The following IRF4 variants were observed in gnomAD, a reference collection of about 807,000 sequenced individuals.
IRF4 encodes the protein interferon regulatory factor 4.
Under a neutral mutation model 55.5 loss-of-function variants are expected in IRF4, and 13 were observed. The ratio of observed to expected loss-of-function variants is 0.23; its 90% CI spans 0.15 to 0.37. The LOEUF is 0.37. Ranked by LOEUF, IRF4 falls within the 10% of genes least tolerant of loss-of-function variation. The pLI is 1.00. For missense variants in IRF4, 397 were observed against 593.8 expected (o/e 0.67, Z 3.44); for synonymous variants, 249 against 240.7 (o/e 1.03, Z -0.32).
intron 2 of IRF4, 109 bp from the exon 3 acceptor site, chr6:394,712 G>A: frequency 9.9e-7 from 1 of 1,006,732 alleles, no homozygotes; most frequent in South Asian, 1.6e-5. Context: ...CTATCATCGT[G>A]CCACTGTACT....
At position 394,986 on chromosome 6, in the gene IRF4, G is replaced by T; in HGVS notation, c.382G>T (p.Val128Phe). 1 of 1,600,164 alleles carries T rather than the reference G, an allele frequency of 6.2e-7. No homozygotes were observed. Among genetic ancestry groups the T allele is most frequent in the East Asian group, 2.3e-5 (1 of 44,232 alleles). The change falls in exon 3 of 9, where the codon GTT becomes TTT. Residue 128 changes from valine to phenylalanine, a missense_variant. Around this residue, in one of 3 missense-constraint regions of IRF4, gnomAD observed 341 missense variants for 548.1 expected, o/e 0.62. Transcript: ENST00000380956. ...ISDPYKVYRI[V>F]PEGAKKGAKQ... ...AGACCCGTACAAAGTGTACAGGATT[G>T]TTCCTGAGGGAGCCAAAAAAGGTAG...
Position 393,116 on chromosome 6 carries a change from G to A in IRF4, c.-37G>A. The A allele has an allele frequency of 6.5e-7, 1 of 1,536,202 alleles. No individual in the cohort carries two copies. The highest frequency in any genetic ancestry group is 8.8e-7 in the Non-Finnish European group (1 of 1,137,476). On this transcript the variant is annotated 5_prime_UTR_variant, in exon 2 of 9. Transcript: ENST00000380956. The surrounding 1 kb of genome is among the most constrained non-coding windows in gnomAD (Gnocchi z 5.4). ...CCCGCAGTGCAGAGCAGAGCGGGCG[G>A]AGGACCCCGGGCGCGGGCGCGGACG... is the stretch of plus-strand genomic sequence containing the variant.
intron 4 of IRF4, 148 bp downstream of exon 4, chr6:396,083 G>T (rs972221700): frequency 1.6e-6 from 1 of 627,124 alleles, no homozygotes; most frequent in South Asian, 2.0e-5. Flanking sequence ...GTCACTGAAC[G>T]AATGTCTCAC....
At chr6:401,018 A>G (rs542149088) in intron 6 of IRF4, among the ~76,000 whole-genome samples, 98 of 152,306 alleles carry the variant, frequency 6.4e-4, no homozygotes, top group South Asian at 1.2e-3. Flanking sequence ...CATCACCACT[A>G]TCATCATCAT....
intron 7 of IRF4, 115 bp downstream of exon 7, chr6:401,892 G>A (rs952766847): frequency 1.9e-5 from 16 of 853,556 alleles, no homozygotes; most frequent in South Asian, 1.8e-4. Flanking sequence ...TGTTGACTTC[G>A]GCGCCCACTG....
chr6:409,810 G>A lies in IRF4; in HGVS notation c.*2212G>A, dbSNP rs920938492. 7 of 204,006 alleles carry A rather than the reference G, an allele frequency of 3.4e-5. No individual in the cohort carries two copies. Among genetic ancestry groups the A allele is most frequent in the African/African-American group, 8.1e-5 (3 of 37,146 alleles). The allele number at this position is 204,006 out of a possible 1,614,324, so 12.6% of individuals were successfully genotyped here. ...TTCAAAGAAGCTGTCTTGGAAGTCT[G>A]TCTCAGGAGCACCCTGTCTTCTTAA... On this transcript the variant is annotated 3_prime_UTR_variant, in exon 9 of 9. Transcript: ENST00000380956.
intron 4 of IRF4, among the ~76,000 whole-genome samples, chr6:396,441 T>A (rs1761260653): frequency 3.3e-5 from 5 of 152,234 alleles, no homozygotes; most frequent in Admixed American, 3.3e-4. Context: ...CTTAGTCTGA[T>A]GAAGGGTTCA....
intron 6 of IRF4, 127 bp from the exon 7 acceptor site, chr6:401,297 C>T: frequency 1.4e-6 from 1 of 702,404 alleles, no homozygotes; most frequent in Non-Finnish European, 2.3e-6. Flanking sequence ...ACGCGGGAAC[C>T]TTTTGTTCCC....
rs139858073 is a variant in IRF4 at position 401,502 on chromosome 6, G to A, written c.824G>A (p.Arg275Gln). ...ACCACGTCCAGCCCCGAGGGCTGCC[G>A]GATCTCCCATGGACATACGTATGAC... is the stretch of plus-strand genomic sequence containing the variant. ...ELTTSSPEGC[R>Q]ISHGHTYDAS... The change falls in exon 7 of 9, where the codon CGG (arginine) becomes CAG (glutamine). Residue 275 changes from arginine (R) to glutamine (Q), a missense_variant. Around this residue, in one of 3 missense-constraint regions of IRF4, gnomAD observed 341 missense variants for 548.1 expected, o/e 0.62. Transcript: ENST00000380956. 1.6e-5 allele frequency: 26 copies of A among 1,613,850 alleles called. No individual in the cohort carries two copies. Among genetic ancestry groups the A allele is most frequent in the African/African-American group, 6.7e-5 (5 of 74,912 alleles).
intron 4 of IRF4, among the ~76,000 whole-genome samples, chr6:396,386 A>G (rs1056591681): frequency 6.6e-6 from 1 of 152,256 alleles, no homozygotes; most frequent in African/African-American, 2.4e-5. Flanking sequence ...ATAAAACAGT[A>G]CAAGTATCTC....
At chr6:402,254 A>G (rs976176598) in intron 7 of IRF4, among the ~76,000 whole-genome samples, 6 of 152,226 alleles carry the variant, frequency 3.9e-5, no homozygotes, top group Non-Finnish European at 8.8e-5. Context: ...GGAGAGTGCT[A>G]TAAGTTGGCT....
chr6:397,751 G>T (rs554687569), intron 5 of IRF4, among the ~76,000 whole-genome samples: 1 of 152,348 alleles, frequency 6.6e-6, no homozygotes, highest in East Asian at 1.9e-4. Context: ...CTTGCTGATT[G>T]TGGATTAGAT....
In IRF4 at chr6:409,989, A is replaced by G. The variant is rs1761653314; in HGVS notation, c.*2391A>G. ...CTTTCCTATCTTTACATCTATGTGT[A>G]TGTTGACTTTTTAAAATTCTGAGTG... On this transcript the variant is annotated 3_prime_UTR_variant, in exon 9 of 9. Coordinates refer to ENST00000380956, the MANE Select transcript of IRF4 (RefSeq NM_002460.4). The G allele has an allele frequency of 8.7e-6, 2 of 228,632 alleles. No individual in the cohort carries two copies. The highest frequency in any genetic ancestry group is 1.7e-5 in the Non-Finnish European group (2 of 115,182). The allele number at this position is 228,632 out of a possible 1,614,324, so 14.2% of individuals were successfully genotyped here. A position where few individuals can be genotyped will look rare whatever the true frequency, so the allele number is the denominator to read the frequency against.
At chr6:402,780 C>G (rs11966611) in intron 7 of IRF4, among the ~76,000 whole-genome samples, 1,661 of 152,286 alleles carry the variant, frequency 0.011, 32 homozygotes, top group African/African-American at 0.038. Context: ...GCCTGTAATC[C>G]CAGCACTTTA....
At chr6:401,148 A>G (rs1035693587) in intron 6 of IRF4, among the ~76,000 whole-genome samples, 2 of 152,226 alleles carry the variant, frequency 1.3e-5, no homozygotes, top group Non-Finnish European at 2.9e-5. Flanking sequence ...GTCGGTGGCC[A>G]CATACGTTTG....
chr6:400,916 A>G (rs1468661346), intron 6 of IRF4, among the ~76,000 whole-genome samples: 1 of 152,138 alleles, frequency 6.6e-6, no homozygotes, highest in African/African-American at 2.4e-5. Context: ...ATTTTTTGCT[A>G]GTATAAATTA....
At chr6:394,707 ATC>A (rs1730600738) in intron 2 of IRF4, 112 bp from the exon 3 acceptor site, 3 of 968,038 alleles carry the variant, frequency 3.1e-6, no homozygotes, top group Non-Finnish European at 4.7e-6. Context: ...GTGAGCTATC[ATC>A]GTGCCACTGT....
In IRF4 at chr6:410,745, T is replaced by G. The variant is rs1472282676; in HGVS notation, c.*3147T>G. ...TTCCGTTCATTGCTCTCCAGTCACATGCCCCCACTTCCCCACAGGTGAAAG... is the reference window on the plus strand; with the variant it reads ...TTCCGTTCATTGCTCTCCAGTCACAGGCCCCCACTTCCCCACAGGTGAAAG... On this transcript the variant is annotated 3_prime_UTR_variant, in exon 9 of 9. Coordinates refer to ENST00000380956, the MANE Select transcript of IRF4 (RefSeq NM_002460.4). 4.3e-6 allele frequency: 1 copy of G among 231,748 alleles called. No individual in the cohort carries two copies. The highest frequency in any genetic ancestry group is 6.0e-5 in the East Asian group (1 of 16,566). The allele number at this position is 231,748 out of a possible 1,614,324, so 14.4% of individuals were successfully genotyped here.
At position 408,245 on chromosome 6, in the gene IRF4, A is replaced by T. The variant is rs1353808973; in HGVS notation, c.*647A>T. On this transcript the variant is annotated 3_prime_UTR_variant, in exon 9 of 9. Transcript: ENST00000380956. Reference sequence around the variant, plus strand: ...CCTCACACGTAAAAGAAATGTATTAATGTATGTAGGAGCTGCAGTTCTTGT... The same window carrying T: ...CCTCACACGTAAAAGAAATGTATTATTGTATGTAGGAGCTGCAGTTCTTGT... 1 of 232,628 alleles carries T rather than the reference A, an allele frequency of 4.3e-6. No individual in the cohort carries two copies. Among genetic ancestry groups the T allele is most frequent in the Non-Finnish European group, 8.5e-6 (1 of 117,454 alleles). The allele number at this position is 232,628 out of a possible 1,614,324, so 14.4% of individuals were successfully genotyped here. A position where few individuals can be genotyped will look rare whatever the true frequency, so the allele number is the denominator to read the frequency against.
Sources: allele counts gnomAD v4.1 joint callset (sites outside exome capture counted in the v4.1 genomes callset), GRCh38; gene constraint gnomAD v4.1.1; regional missense constraint gnomAD v4.1.1; non-coding constraint Gnocchi (gnomAD v3.1); transcripts MANE v1.5; gene names NCBI Gene and HGNC (gene_info 2026-07-23, HGNC 2026-07-21).